The following FSIP1 variants were observed in gnomAD, a reference collection of about 807,000 sequenced individuals.
FSIP1 encodes fibrous sheath interacting protein 1.
Under a neutral mutation model 60.9 loss-of-function variants are expected in FSIP1, and 65 were observed. The ratio of observed to expected loss-of-function variants is 1.07; its 90% CI spans 0.87 to 1.31. The LOEUF (loss-of-function observed/expected upper bound fraction) is 1.31, where lower values mean the gene tolerates loss of function less well. Among genes scored for constraint, FSIP1 ranks in the 40% most tolerant of loss-of-function variants. FSIP1 has a pLI of 0.00. For synonymous variants in FSIP1, 209 were observed against 221.2 expected, an observed-to-expected ratio of 0.94 and a Z score of 0.49; for missense variants, 675 against 665.5, an observed-to-expected ratio of 1.01 and a Z score of -0.16.
intron 10 of FSIP1, among the ~76,000 whole-genome samples, chr15:39,643,214 G>A (rs916027322): frequency 3.3e-5 from 5 of 152,164 alleles, no homozygotes; most frequent in Admixed American, 3.3e-4. Context: ...ATATGAAGTG[G>A]CTGCTATTTT....
intron 10 of FSIP1, among the ~76,000 whole-genome samples, chr15:39,684,847 C>A (rs948923150): frequency 2.6e-5 from 4 of 152,126 alleles, no homozygotes; most frequent in African/African-American, 7.2e-5. Context: ...CTCAACCCTG[C>A]AAAGCAAGTT....
At chr15:39,763,701 T>C in intron 5 of FSIP1, 120 bp downstream of exon 5, 1 of 637,354 alleles carries the variant, frequency 1.6e-6, no homozygotes, top group South Asian at 1.9e-5. Context: ...ATTATTTCCC[T>C]AAAGAACAGT....
chr15:39,760,393 G>T lies in FSIP1; in HGVS notation c.559+3428C>A, dbSNP rs899092522. Among the ~76,000 whole-genome samples, 45 of 152,110 alleles carry T rather than the reference G, an allele frequency of 3.0e-4. 2 individuals are homozygous for T. The highest frequency in any genetic ancestry group is 1.0e-4 in the Non-Finnish European group (7 of 68,010). On this transcript the variant is annotated intron_variant, in intron 5 of 11. Coordinates refer to ENST00000350221, the MANE Select transcript of FSIP1 (RefSeq NM_152597.5). ...AAAAGAAAAAAATAGTAATTTTACAGTGCAGAAAACCAGCAGACACCATCT... is the reference window on the plus strand; with the variant it reads ...AAAAGAAAAAAATAGTAATTTTACATTGCAGAAAACCAGCAGACACCATCT...
At chr15:39,781,875 C>T (rs2140747485) in intron 1 of FSIP1, among the ~76,000 whole-genome samples, 1 of 152,298 alleles carries the variant, frequency 6.6e-6, no homozygotes, top group South Asian at 2.1e-4. Context: ...CTTCCGTATG[C>T]TGATTGTGGT....
intron 9 of FSIP1, among the ~76,000 whole-genome samples, chr15:39,721,160 T>G (rs960378805): frequency 1.3e-5 from 2 of 152,308 alleles, no homozygotes; most frequent in African/African-American, 4.8e-5. Flanking sequence ...CTCCTTCATC[T>G]CTGAGCCACA....
At chr15:39,705,756 G>GGGA (rs771620257) in intron 10 of FSIP1, among the ~76,000 whole-genome samples, 1 of 152,018 alleles carries the variant, frequency 6.6e-6, no homozygotes. Flanking sequence ...CCAGCACTTT[G>GGGA]GGAGGCCAAG....
chr15:39,631,198 C>T lies in FSIP1; in HGVS notation c.1189-12953G>A, dbSNP rs73393222. ...CCACCCTCTGCAGTGACATCGCACC[C>T]CTAAAAACTCAGTGCTCTTAGTCTG... is the stretch of plus-strand genomic sequence containing the variant. On this transcript the variant is annotated intron_variant, in intron 10 of 11. Transcript: ENST00000350221. Among the ~76,000 whole-genome samples, 1,336 of 152,300 alleles carry T rather than the reference C, an allele frequency of 8.8e-3. 16 individuals are homozygous for T. The highest frequency in any genetic ancestry group is 0.031 in the African/African-American group (1,272 of 41,548).
intron 10 of FSIP1, among the ~76,000 whole-genome samples, chr15:39,681,463 C>A (rs1451501032): frequency 6.6e-6 from 1 of 151,844 alleles, no homozygotes; most frequent in East Asian, 1.9e-4. Flanking sequence ...AGAAATTTTC[C>A]TGCTTGGAAT....
In FSIP1 at chr15:39,708,738, G is replaced by A. The variant is rs371271217; in HGVS notation, c.1188+4706C>T. Among the ~76,000 whole-genome samples, 8 of 152,126 alleles carry A rather than the reference G, an allele frequency of 5.3e-5. No homozygotes were observed. The East Asian group carries it at 9.7e-4, about 18-fold the overall frequency. On this transcript the variant is annotated intron_variant, in intron 10 of 11. Coordinates refer to ENST00000350221, the MANE Select transcript of FSIP1 (RefSeq NM_152597.5). ...CTAATATCTAAATATGATCCATTTTGCTTACTTCTCTCTTAATGTGTCCCA... is the reference window on the plus strand; with the variant it reads ...CTAATATCTAAATATGATCCATTTTACTTACTTCTCTCTTAATGTGTCCCA...
At chr15:39,623,768 A>C (rs987958429) in intron 10 of FSIP1, among the ~76,000 whole-genome samples, 3 of 152,168 alleles carry the variant, frequency 2.0e-5, no homozygotes, top group African/African-American at 7.2e-5. Flanking sequence ...GGCCTTTCAG[A>C]GTCTAGAGCT....
At chr15:39,770,060 C>T (rs1324681629) in intron 3 of FSIP1, among the ~76,000 whole-genome samples, 1 of 152,034 alleles carries the variant, frequency 6.6e-6, no homozygotes, top group Non-Finnish European at 1.5e-5. Context: ...TTTGAAAATC[C>T]AAATGTTATT....
intron 10 of FSIP1, among the ~76,000 whole-genome samples, chr15:39,704,673 G>C (rs16969640): frequency 0.12 from 18,998 of 152,164 alleles, 1,267 homozygotes; most frequent in Middle Eastern, 0.24. Context: ...CCCTTTAGCT[G>C]TCACATTCAA....
chr15:39,619,318 T>A (rs1891357891), intron 10 of FSIP1, among the ~76,000 whole-genome samples: 1 of 152,200 alleles, frequency 6.6e-6, no homozygotes, highest in Non-Finnish European at 1.5e-5. Flanking sequence ...TTGTTTAAAA[T>A]TATGTTTAAC....
rs374908976 is a variant in FSIP1, at chr15:39,745,622, A to C, written c.560-3722T>G. ...GGATGCCATGGCAGGGTGCCCTCAG[A>C]CACACCCACACTCACTCACAGTGGA... On this transcript the variant is annotated intron_variant, in intron 5 of 11. Transcript: ENST00000350221. Among the ~76,000 whole-genome samples, 6 of 152,284 alleles carry C rather than the reference A, an allele frequency of 3.9e-5. 1 individual carries two copies. The highest frequency in any genetic ancestry group is 1.3e-4 in the Admixed American group (2 of 15,298).
chr15:39,719,658 C>T (rs1240660552), intron 9 of FSIP1, among the ~76,000 whole-genome samples: 6 of 152,204 alleles, frequency 3.9e-5, no homozygotes, highest in Non-Finnish European at 8.8e-5. Context: ...CGAGACAATG[C>T]TATACATTTC....
intron 10 of FSIP1, among the ~76,000 whole-genome samples, chr15:39,710,561 G>C (rs770932380): frequency 1.3e-5 from 2 of 151,238 alleles, no homozygotes; most frequent in Non-Finnish European, 2.9e-5. Flanking sequence ...AATTAAATTT[G>C]TATAGGGGAA....
intron 10 of FSIP1, among the ~76,000 whole-genome samples, chr15:39,676,551 G>C (rs1893950245): frequency 1.3e-5 from 2 of 152,206 alleles, no homozygotes; most frequent in East Asian, 3.9e-4. Context: ...GCAGCTCAGT[G>C]CTCCGTGAAA....
At chr15:39,706,094 A>C (rs1052744479) in intron 10 of FSIP1, among the ~76,000 whole-genome samples, 1 of 152,162 alleles carries the variant, frequency 6.6e-6, no homozygotes, top group African/African-American at 2.4e-5. Context: ...AAATGGGTTA[A>C]TATTATATAA....
At chr15:39,611,887 T>C (rs1445725813) in intron 11 of FSIP1, among the ~76,000 whole-genome samples, 2 of 152,136 alleles carry the variant, frequency 1.3e-5, no homozygotes, top group South Asian at 2.1e-4. Flanking sequence ...TCAGACAAAA[T>C]AGACTTTAAG....
Sources: allele counts gnomAD v4.1 joint callset (sites outside exome capture counted in the v4.1 genomes callset), GRCh38; gene constraint gnomAD v4.1.1; transcripts MANE v1.5; gene names NCBI Gene and HGNC (gene_info 2026-07-23, HGNC 2026-07-21).